The following SESN1 variants were observed in gnomAD, a reference collection of about 807,000 sequenced individuals.
SESN1 encodes sestrin-1.
SESN1 carries 30 observed loss-of-function variants against 59.3 expected under a neutral mutation model. That is an observed-to-expected ratio of 0.51 (90% confidence interval 0.38 to 0.69). The LOEUF (loss-of-function observed/expected upper bound fraction) is 0.69, where lower values mean the gene tolerates loss of function less well. Among genes scored for constraint, SESN1 ranks in the 30% least tolerant of loss-of-function variants. The probability of loss-of-function intolerance (pLI) is 0.00; values close to 1 mark genes in which losing one functional copy is unlikely to be tolerated. For synonymous variants in SESN1, 197 were observed against 219.9 expected (o/e 0.90, Z 0.92); for missense variants, 566 against 673.0 (o/e 0.84, Z 1.76).
chr6:109,059,220 G>A (rs750084006), intron 1 of SESN1, among the ~76,000 whole-genome samples: 1 of 152,070 alleles, frequency 6.6e-6, no homozygotes, highest in Non-Finnish European at 1.5e-5. Context: ...GTAAAAAACA[G>A]TCTAAGATCT....
At chr6:109,033,307 C>A (rs979162849) in intron 1 of SESN1, among the ~76,000 whole-genome samples, 1 of 152,090 alleles carries the variant, frequency 6.6e-6, no homozygotes, top group African/African-American at 2.4e-5. Context: ...TGTAAGAAGG[C>A]AGACTGTTAA....
chr6:109,017,576 C>G (rs936809904), intron 1 of SESN1, among the ~76,000 whole-genome samples: 1 of 152,082 alleles, frequency 6.6e-6, no homozygotes, highest in Non-Finnish European at 1.5e-5. Context: ...TGAGCCACCG[C>G]GCCCGGCCCA....
intron 1 of SESN1, among the ~76,000 whole-genome samples, chr6:109,059,117 A>G (rs1046824550): frequency 6.6e-6 from 1 of 152,158 alleles, no homozygotes; most frequent in African/African-American, 2.4e-5. Context: ...ACACACACAC[A>G]TAATTTACAG....
intron 1 of SESN1, among the ~76,000 whole-genome samples, chr6:109,057,005 C>A (rs990401588): frequency 3.3e-5 from 5 of 152,224 alleles, no homozygotes; most frequent in African/African-American, 9.7e-5. Flanking sequence ...GAGAAGTCCA[C>A]TGCCATGCCT....
intron 6 of SESN1, 77 bp from the exon 7 acceptor site, chr6:108,992,976 T>C: frequency 1.1e-6 from 1 of 881,046 alleles, no homozygotes; most frequent in Admixed American, 2.0e-5. Flanking sequence ...GGAGTAAAAA[T>C]GGCATAACTC....
At chr6:109,069,869 T>C (rs144270111) in intron 1 of SESN1, among the ~76,000 whole-genome samples, 43 of 152,188 alleles carry the variant, frequency 2.8e-4, no homozygotes, top group African/African-American at 1.0e-3. Flanking sequence ...CCACAAACTC[T>C]TAAGAAAATT....
intron 1 of SESN1, among the ~76,000 whole-genome samples, chr6:109,085,450 C>T (rs779722449): frequency 1.7e-4 from 26 of 152,038 alleles, no homozygotes; most frequent in Non-Finnish European, 2.1e-4. Context: ...ACCCCGGAGG[C>T]GGAGCTTGCA....
intron 1 of SESN1, among the ~76,000 whole-genome samples, chr6:109,013,576 A>G (rs1371406995): frequency 6.6e-6 from 1 of 152,252 alleles, no homozygotes; most frequent in Non-Finnish European, 1.5e-5. Flanking sequence ...TAATTAGGTT[A>G]AAAGGCATAA....
intron 2 of SESN1, among the ~76,000 whole-genome samples, chr6:109,001,799 C>A (rs1190911743): frequency 6.6e-6 from 1 of 152,148 alleles, no homozygotes; most frequent in Admixed American, 6.5e-5. Flanking sequence ...CAAACAGACA[C>A]TAAAGCCTTT....
intron 1 of SESN1, among the ~76,000 whole-genome samples, chr6:109,042,817 C>A (rs1439886638): frequency 1.3e-5 from 2 of 151,862 alleles, no homozygotes; most frequent in African/African-American, 4.8e-5. Flanking sequence ...TAATATTTTC[C>A]AGAAAACAAG....
At chr6:109,087,108 G>A (rs192248792) in intron 1 of SESN1, among the ~76,000 whole-genome samples, 221 of 152,276 alleles carry the variant, frequency 1.5e-3, no homozygotes, top group African/African-American at 5.1e-3. Flanking sequence ...TACAGCCTGG[G>A]CGACAGAGCA....
At chr6:108,996,432 C>T (rs12216104) in intron 5 of SESN1, among the ~76,000 whole-genome samples, 14,966 of 152,104 alleles carry the variant, frequency 0.098, 905 homozygotes, top group Middle Eastern at 0.2. Flanking sequence ...GGTTTCATGA[C>T]AGGATGACTC....
At position 109,093,769 on chromosome 6, in the gene SESN1, G is replaced by C. The variant is rs760644181; in HGVS notation, c.279+26C>G. On this transcript the variant is annotated intron_variant, in intron 1 of 9. Coordinates refer to ENST00000436639, the MANE Select transcript of SESN1 (RefSeq NM_014454.3). ...AAAATTTAACTGTAGTAGAGACATA[G>C]TTGTATTTAAAATGCTCTTCCTTAC... 28 of 1,603,894 alleles carry C rather than the reference G, an allele frequency of 1.7e-5. No homozygotes were observed. The East Asian group carries it at 6.0e-4, about 35-fold the overall frequency.
At chr6:108,993,985 A>T (rs925088899) in intron 6 of SESN1, among the ~76,000 whole-genome samples, 2 of 151,964 alleles carry the variant, frequency 1.3e-5, no homozygotes, top group African/African-American at 4.8e-5. Flanking sequence ...AAAAAAAATT[A>T]AAAAATTAAG....
At chr6:109,007,535 G>C (rs1333002072) in intron 1 of SESN1, among the ~76,000 whole-genome samples, 1 of 152,050 alleles carries the variant, frequency 6.6e-6, no homozygotes, top group South Asian at 2.1e-4. Flanking sequence ...AGCAGCATGT[G>C]TTTTTTGAAA....
chr6:108,993,178 T>A (rs182235553), intron 6 of SESN1, among the ~76,000 whole-genome samples: 129 of 152,354 alleles, frequency 8.5e-4, no homozygotes, highest in African/African-American at 3.0e-3. Flanking sequence ...CCAATTTATA[T>A]GTATTAGGTT....
intron 1 of SESN1, among the ~76,000 whole-genome samples, chr6:109,074,858 T>C (rs112303629): frequency 3.4e-3 from 515 of 152,334 alleles, no homozygotes; most frequent in African/African-American, 0.01. Context: ...ACAAATGCTG[T>C]TTTGCTTTTA....
intron 7 of SESN1, among the ~76,000 whole-genome samples, chr6:108,991,158 G>A (rs1334160982): frequency 2.0e-5 from 3 of 151,882 alleles, no homozygotes; most frequent in Non-Finnish European, 2.9e-5. Context: ...CAGCCCCCCA[G>A]ATGTGACCAG....
At chr6:109,043,884 C>T (rs1202799793) in intron 1 of SESN1, among the ~76,000 whole-genome samples, 2 of 152,086 alleles carry the variant, frequency 1.3e-5, no homozygotes, top group Non-Finnish European at 2.9e-5. Flanking sequence ...AACAGTCATA[C>T]TAACTGTTTT....
Sources: allele counts gnomAD v4.1 joint callset (sites outside exome capture counted in the v4.1 genomes callset), GRCh38; gene constraint gnomAD v4.1.1; transcripts MANE v1.5; gene names NCBI Gene and HGNC (gene_info 2026-07-23, HGNC 2026-07-21).